GPX8: variants seen among roughly 807,000 people sequenced by gnomAD.
GPX8 encodes glutathione peroxidase 8 (putative), also known as protein peroxidase GPX8.
Under a neutral mutation model 17.8 loss-of-function variants are expected in GPX8, and 12 were observed. The observed-to-expected ratio is 0.67, with a 90% CI of 0.43 to 1.09. GPX8 has a LOEUF of 1.09. Among genes scored for constraint, GPX8 ranks in the 50% least tolerant of loss-of-function variants. The probability of loss-of-function intolerance (pLI) is 0.00; values close to 1 mark genes in which losing one functional copy is unlikely to be tolerated. For missense variants in GPX8, 209 were observed against 235.6 expected (o/e 0.89, Z 0.74); for synonymous variants, 86 against 88.1 (o/e 0.98, Z 0.14).
At chr5:55,160,966 C>G in intron 1 of GPX8, 28 bp from the exon 2 acceptor site, 1 of 1,581,236 alleles carries the variant, frequency 6.3e-7, no homozygotes, top group Non-Finnish European at 8.6e-7. Flanking sequence ...CTTCACTTTC[C>G]GGTTGGATTT....
intron 2 of GPX8, among the ~76,000 whole-genome samples, chr5:55,162,100 A>T (rs1744101581): frequency 6.6e-6 from 1 of 151,316 alleles, no homozygotes; most frequent in African/African-American, 2.4e-5. Flanking sequence ...CAAAAAAAAA[A>T]AAAAAAAAAA....
rs1744398536 is a variant in GPX8 at position 55,166,534 on chromosome 5, G to A, written c.*2316G>A. 6.6e-6 allele frequency: 1 copy of A among 152,244 alleles called. No individual in the cohort carries two copies. The highest frequency in any genetic ancestry group is 6.5e-5 in the Admixed American group (1 of 15,284). 9.4% of individuals were successfully genotyped at this position (152,244 alleles called of 1,614,324 possible). On this transcript the variant is annotated 3_prime_UTR_variant, in exon 3 of 3. Transcript: ENST00000503787. ...CTGTAACAATTAGGCTATGTGTGCT[G>A]AGAGAGGGAGCGGAGTCATTTGCTG... is the stretch of plus-strand genomic sequence containing the variant.
rs927358273 is a variant in GPX8, at chr5:55,165,730, T to G, written c.*1512T>G. The stretch of plus-strand genomic sequence containing the variant: ...TAGGGATAGCCTCAAGAATGCCAGA[T>G]GAGTGTGTCAGAAAGCCTGCTCCTA... On this transcript the variant is annotated 3_prime_UTR_variant, in exon 3 of 3. Transcript: ENST00000503787. 5 of 152,242 alleles carry G rather than the reference T, an allele frequency of 3.3e-5. No individual in the cohort carries two copies. Among genetic ancestry groups the G allele is most frequent in the African/African-American group, 1.2e-4 (5 of 41,476 alleles). 9.4% of individuals were successfully genotyped at this position (152,242 alleles called of 1,614,324 possible).
At chr5:55,160,419 T>C in intron 1 of GPX8, 23 bp downstream of exon 1, 14 of 1,574,930 alleles carry the variant, frequency 8.9e-6, no homozygotes, top group Non-Finnish European at 1.2e-5. Context: ...ATCTGATTTT[T>C]ATTGTTATCA....
In GPX8 at chr5:55,164,092, G is replaced by C. The variant is rs758275498; in HGVS notation, c.504G>C (p.Lys168Asn). 1.3e-6 allele frequency: 2 copies of C among 1,598,368 alleles called. No individual in the cohort carries two copies. The highest frequency in any genetic ancestry group is 8.5e-7 in the Non-Finnish European group (1 of 1,170,582). ...SKKEPRWNFW[K>N]YLVNPEGQVV... is the part of the protein sequence containing the mutation. ...AGGAACCAAGGTGGAATTTTTGGAA[G>C]TATCTTGTCAACCCTGAGGGTCAAG... Residue 168 changes from lysine (K) to asparagine (N), a missense_variant, in exon 3 of 3, where the codon AAG (lysine) becomes AAC (asparagine). Coordinates refer to ENST00000503787, the MANE Select transcript of GPX8 (RefSeq NM_001008397.4).
rs760427905 is a variant in GPX8 at position 55,165,005 on chromosome 5, G to C, written c.*787G>C. ...CAAGTAAGTCAGTCTTTATTTTTGC[G>C]TGAAAATCCCAAGTGTAGAAAAAAG... On this transcript the variant is annotated 3_prime_UTR_variant, in exon 3 of 3. Coordinates refer to ENST00000503787, the MANE Select transcript of GPX8 (RefSeq NM_001008397.4). The C allele has an allele frequency of 6.6e-6, 1 of 151,954 alleles. No individual in the cohort carries two copies. Among genetic ancestry groups the C allele is most frequent in the Non-Finnish European group, 1.5e-5 (1 of 68,010 alleles). The allele number at this position is 151,954 out of a possible 1,614,324, so 9.4% of individuals were successfully genotyped here.
Position 55,164,364 on chromosome 5 carries a change from G to T in GPX8, c.*146G>T. On this transcript the variant is annotated 3_prime_UTR_variant, in exon 3 of 3. Transcript: ENST00000503787. ...GCGTTCTCAGCTCATTGCAACCTCT[G>T]CCTTTTTAAACATGCTATTAAATGT... is the stretch of plus-strand genomic sequence containing the variant. The T allele has an allele frequency of 2.2e-6, 1 of 445,362 alleles. No individual in the cohort carries two copies. Among genetic ancestry groups the T allele is most frequent in the Admixed American group, 4.3e-5 (1 of 23,248 alleles). 27.6% of individuals were successfully genotyped at this position (445,362 alleles called of 1,614,324 possible). A position where few individuals can be genotyped will look rare whatever the true frequency, so the allele number is the denominator to read the frequency against.
In GPX8 at chr5:55,161,163, T is replaced by C. The variant is rs748359366; in HGVS notation, c.374T>C (p.Phe125Ser). Residue 125 changes from phenylalanine (F) to serine (S), a missense_variant, in exon 2 of 3, where the codon TTT becomes TCT. Phe to Ser is a radical substitution (Grantham distance 155). Transcript: ENST00000503787. ...EPRPSKEVES[F>S]ARKNYGVTFP... ...CGCCCAAGCAAGGAAGTAGAATCTT[T>C]TGCAAGAAAAAACTACGGAGTAACT... is the stretch of plus-strand genomic sequence containing the variant. 2.5e-6 allele frequency: 4 copies of C among 1,614,182 alleles called. No homozygotes were observed. Among genetic ancestry groups the C allele is most frequent in the Non-Finnish European group, 3.4e-6 (4 of 1,180,018 alleles).
At chr5:55,161,974 G>A (rs1000064221) in intron 2 of GPX8, among the ~76,000 whole-genome samples, 1 of 151,708 alleles carries the variant, frequency 6.6e-6, no homozygotes, top group Admixed American at 6.6e-5. Context: ...TTGTAAAATG[G>A]GCTATCAATA....
chr5:55,164,129 T>C lies in GPX8; in HGVS notation c.541T>C (p.Trp181Arg), dbSNP rs1744247193. The change falls in exon 3 of 3, where the codon TGG becomes CGG. Residue 181 changes from tryptophan to arginine, a missense_variant. Coordinates refer to ENST00000503787, the MANE Select transcript of GPX8 (RefSeq NM_001008397.4). The stretch of plus-strand genomic sequence containing the variant: ...CCCTGAGGGTCAAGTTGTGAAGTTC[T>C]GGAAGCCAGAGGAGCCCATTGAAGT... ...VNPEGQVVKF[W>R]KPEEPIEVIR... The C allele has an allele frequency of 1.2e-6, 2 of 1,607,836 alleles. No homozygotes were observed. The highest frequency in any genetic ancestry group is 4.5e-5 in the East Asian group (2 of 44,826).
chr5:55,161,160 C>G lies in GPX8; in HGVS notation c.371C>G (p.Ser124Cys), dbSNP rs371064778. The G allele has an allele frequency of 5.6e-6, 9 of 1,614,052 alleles. No individual in the cohort carries two copies. Among genetic ancestry groups the G allele is most frequent in the Non-Finnish European group, 7.6e-6 (9 of 1,180,022 alleles). The change falls in exon 2 of 3, where the codon TCT (serine) becomes TGT (cysteine). Residue 124 changes from serine to cysteine, a missense_variant. Physicochemically the swap from Ser to Cys is moderately radical, Grantham distance 112. Transcript: ENST00000503787. ...CCCCGCCCAAGCAAGGAAGTAGAAT[C>G]TTTTGCAAGAAAAAACTACGGAGTA... ...SEPRPSKEVE[S>C]FARKNYGVTF...
At chr5:55,163,172 A>G (rs1419626791) in intron 2 of GPX8, among the ~76,000 whole-genome samples, 1 of 152,114 alleles carries the variant, frequency 6.6e-6, no homozygotes, top group African/African-American at 2.4e-5. Flanking sequence ...ATAAATCTTG[A>G]GTGGTATAAA....
intron 2 of GPX8, among the ~76,000 whole-genome samples, chr5:55,162,595 A>G (rs1744136064): frequency 6.6e-6 from 1 of 152,250 alleles, no homozygotes; most frequent in Non-Finnish European, 1.5e-5. Flanking sequence ...TTCTAAAAAC[A>G]TTATATTTAA....
At chr5:55,160,900 T>C in intron 1 of GPX8, 94 bp from the exon 2 acceptor site, 2 of 1,278,014 alleles carry the variant, frequency 1.6e-6, no homozygotes, top group Non-Finnish European at 2.1e-6. Flanking sequence ...GAGGTTATAG[T>C]CCCCCCCAAA....
At chr5:55,161,365 A>G in intron 2 of GPX8, 110 bp downstream of exon 2, 2 of 1,066,688 alleles carry the variant, frequency 1.9e-6, no homozygotes, top group Non-Finnish European at 2.7e-6. Flanking sequence ...GGAAAGCTTC[A>G]TAAAACTATC....
At chr5:55,162,784 T>A (rs1023028131) in intron 2 of GPX8, among the ~76,000 whole-genome samples, 2 of 152,252 alleles carry the variant, frequency 1.3e-5, no homozygotes, top group African/African-American at 4.8e-5. Flanking sequence ...AGGTTATTTC[T>A]CTTTATCACT....
Position 55,164,754 on chromosome 5 carries a change from A to G in GPX8, c.*536A>G, listed in dbSNP as rs1304765271. 1 of 152,232 alleles carries G rather than the reference A, an allele frequency of 6.6e-6. No homozygotes were observed. Among genetic ancestry groups the G allele is most frequent in the Non-Finnish European group, 1.5e-5 (1 of 68,050 alleles). 9.4% of individuals were successfully genotyped at this position (152,232 alleles called of 1,614,324 possible). A position where few individuals can be genotyped will look rare whatever the true frequency, so the allele number is the denominator to read the frequency against. Reference sequence around the variant, plus strand: ...GTAAAATATATATACATAGATTCAAATCCTTATATATGTATGCTTGTTTTG... The same window carrying G: ...GTAAAATATATATACATAGATTCAAGTCCTTATATATGTATGCTTGTTTTG... On this transcript the variant is annotated 3_prime_UTR_variant, in exon 3 of 3. Coordinates refer to ENST00000503787, the MANE Select transcript of GPX8 (RefSeq NM_001008397.4).
chr5:55,166,582 A>C lies in GPX8; in HGVS notation c.*2364A>C, dbSNP rs965393043. The C allele has an allele frequency of 6.6e-6, 1 of 152,202 alleles. No individual in the cohort carries two copies. Among genetic ancestry groups the C allele is most frequent in the African/African-American group, 2.4e-5 (1 of 41,438 alleles). The allele number at this position is 152,202 out of a possible 1,614,324, so 9.4% of individuals were successfully genotyped here. A position where few individuals can be genotyped will look rare whatever the true frequency, so the allele number is the denominator to read the frequency against. ...CTGATGTGCTGCTACCTGTAACTCA[A>C]ATGCCTCATAGGAATACCAGCGGAC... On this transcript the variant is annotated 3_prime_UTR_variant, in exon 3 of 3. Transcript: ENST00000503787.
In GPX8 at chr5:55,164,555, A is replaced by T. The variant is rs572402446; in HGVS notation, c.*337A>T. On this transcript the variant is annotated 3_prime_UTR_variant, in exon 3 of 3. Transcript: ENST00000503787. ...ACTAAAGAATTCAGAATACACAGTG[A>T]CCAATGTGCCTCAATATCTTATTGT... 6.2e-6 allele frequency: 1 copy of T among 161,430 alleles called. No individual in the cohort carries two copies. Among genetic ancestry groups the T allele is most frequent in the African/African-American group, 2.4e-5 (1 of 41,816 alleles). 10.0% of individuals were successfully genotyped at this position (161,430 alleles called of 1,614,324 possible).
Sources: allele counts gnomAD v4.1 joint callset (sites outside exome capture counted in the v4.1 genomes callset), GRCh38; gene constraint gnomAD v4.1.1; transcripts MANE v1.5; gene names NCBI Gene and HGNC (gene_info 2026-07-23, HGNC 2026-07-21).